Variants in TM7SF2 observed in about 807,000 individuals in gnomAD.
TM7SF2 encodes the protein delta(14)-sterol reductase TM7SF2.
A neutral mutation model predicts 51.0 loss-of-function variants in TM7SF2; 51 were observed. That is an observed-to-expected ratio of 1.00 (90% CI 0.80 to 1.26). The LOEUF (loss-of-function observed/expected upper bound fraction) is 1.26, where lower values mean the gene tolerates loss of function less well. Among genes scored for constraint, TM7SF2 ranks in the 50% most tolerant of loss-of-function variants. The probability of loss-of-function intolerance (pLI) is 0.00; values close to 1 mark genes in which losing one functional copy is unlikely to be tolerated. For synonymous variants in TM7SF2, 255 were observed against 241.0 expected, an observed-to-expected ratio of 1.06 and a Z score of -0.54; for missense variants, 541 against 547.4, an observed-to-expected ratio of 0.99 and a Z score of 0.12.
At position 65,113,354 on chromosome 11, in the gene TM7SF2, T is replaced by G; in HGVS notation, c.439T>G (p.Phe147Val). 6.2e-7 allele frequency: 1 copy of G among 1,614,086 alleles called. No homozygotes were observed. The highest frequency in any genetic ancestry group is 8.5e-7 in the Non-Finnish European group (1 of 1,180,000). Residue 147 changes from phenylalanine to valine, a missense_variant, in exon 4 of 10, where the codon TTT becomes GTT. Phe to Val is a conservative substitution (Grantham distance 50). Coordinates refer to ENST00000279263, the MANE Select transcript of TM7SF2 (RefSeq NM_003273.6). ...CCTCACCGCTTTCATCTTCAGCCTC[T>G]TTCTCTACATGAAGGCGCAGGTAGC... ...ATLTAFIFSL[F>V]LYMKAQVAPV...
chr11:65,114,902 T>C lies in TM7SF2; in HGVS notation c.724-11T>C, dbSNP rs1187869550. ...GGACTAAGCCAGTGTGTCTGGGTCT[T>C]GTCCCTGCAGGAGGCCGTCCTCACC... On this transcript the variant is annotated splice_polypyrimidine_tract_variant and intron_variant, in intron 6 of 9. Coordinates refer to ENST00000279263, the MANE Select transcript of TM7SF2 (RefSeq NM_003273.6). The C allele has an allele frequency of 6.2e-7, 1 of 1,614,068 alleles. No homozygotes were observed. Among genetic ancestry groups the C allele is most frequent in the Non-Finnish European group, 8.5e-7 (1 of 1,180,002 alleles).
At chr11:65,114,647 G>A in intron 5 of TM7SF2, 66 bp from the exon 6 acceptor site, 1 of 1,553,942 alleles carries the variant, frequency 6.4e-7, no homozygotes. Context: ...AAGGGCAGAG[G>A]CTGGCCACTG....
chr11:65,111,968 C>A lies in TM7SF2; in HGVS notation c.-48C>A. On this transcript the variant is annotated 5_prime_UTR_variant, in exon 1 of 10. Coordinates refer to ENST00000279263, the MANE Select transcript of TM7SF2 (RefSeq NM_003273.6). ...TGGGAAATGGGGCGGACAGTGTTTC[C>A]TTGACTGACTATTGTGAGCGCCCTC... The A allele has an allele frequency of 6.4e-7, 1 of 1,553,522 alleles. No homozygotes were observed. The highest frequency in any genetic ancestry group is 8.7e-7 in the Non-Finnish European group (1 of 1,146,270).
At chr11:65,113,144 T>C (rs1049925276) in intron 3 of TM7SF2, 76 bp from the exon 4 acceptor site, 29 of 1,435,640 alleles carry the variant, frequency 2.0e-5, no homozygotes, top group African/African-American at 2.9e-5. Flanking sequence ...CCCCTGAGTT[T>C]TGGGCTCTGC....
Position 65,113,494 on chromosome 11 carries a change from A to T in TM7SF2, c.503A>T (p.Asn168Ile). 6.2e-7 allele frequency: 1 copy of T among 1,614,114 alleles called. No individual in the cohort carries two copies. Among genetic ancestry groups the T allele is most frequent in the Middle Eastern group, 1.6e-4 (1 of 6,062 alleles). ...SALAPGGNSG[N>I]PIYDFFLGRE... ...TTCACTCTCCAATATTCTCCAGGCA[A>T]TCCGATTTACGACTTTTTTCTGGGA... The change falls in exon 5 of 10, where the codon AAT becomes ATT. Residue 168 changes from asparagine (N) to isoleucine (I), a missense_variant. Asn to Ile is a moderately radical substitution (Grantham distance 149). Coordinates refer to ENST00000279263, the MANE Select transcript of TM7SF2 (RefSeq NM_003273.6).
Position 65,115,168 on chromosome 11 carries a change from G to A in TM7SF2, c.892+87G>A. On this transcript the variant is annotated intron_variant, in intron 7 of 9. Coordinates refer to ENST00000279263, the MANE Select transcript of TM7SF2 (RefSeq NM_003273.6). ...TGTTTACACGCACCACCACATAGGTGCTAACCCCCAGGGTTCTCTAAAGCC... is the reference window on the plus strand; with the variant it reads ...TGTTTACACGCACCACCACATAGGTACTAACCCCCAGGGTTCTCTAAAGCC... 8 of 1,595,784 alleles carry A rather than the reference G, an allele frequency of 5.0e-6. No individual in the cohort carries two copies. The South Asian group carries it at 8.9e-5, about 18-fold the overall frequency.
intron 1 of TM7SF2, 43 bp from the exon 2 acceptor site, chr11:65,112,472 G>A (rs898624647): frequency 1.6e-5 from 23 of 1,477,604 alleles, no homozygotes; most frequent in African/African-American, 2.9e-5. Flanking sequence ...CGGGGAGCTG[G>A]GGGGCTAGGG....
chr11:65,112,429 C>G, intron 1 of TM7SF2, 86 bp from the exon 2 acceptor site: 2 of 1,371,586 alleles, frequency 1.5e-6, no homozygotes, highest in Non-Finnish European at 1.9e-6. Flanking sequence ...CGAGAGGGTC[C>G]CGCAGAGACG....
In TM7SF2 at chr11:65,114,827, C is replaced by T. The variant is rs772980923; in HGVS notation, c.718C>T (p.His240Tyr). The T allele has an allele frequency of 1.2e-6, 2 of 1,614,242 alleles. No homozygotes were observed. The highest frequency in any genetic ancestry group is 1.7e-5 in the Admixed American group (1 of 60,032). The change falls in exon 6 of 10, where the codon CAC (histidine) becomes TAC (tyrosine). Residue 240 changes from histidine to tyrosine, a missense_variant. By Grantham distance (83) the His-to-Tyr change is moderately conservative. Transcript: ENST00000279263. ...QLLYVGDALW[H>Y]EEAVLTTMDI... ...GCTCTACGTGGGTGATGCCCTCTGG[C>T]ACGAGGTGAGGCTGGACTGGACGAG...
chr11:65,113,390 G>A lies in TM7SF2; in HGVS notation c.475G>A (p.Ala159Thr), dbSNP rs1283986292. 1 of 1,614,014 alleles carries A rather than the reference G, an allele frequency of 6.2e-7. No individual in the cohort carries two copies. The highest frequency in any genetic ancestry group is 8.5e-7 in the Non-Finnish European group (1 of 1,180,040). ...YMKAQVAPVS[A>T]LAPGGNSGNP... ...GAAGGCGCAGGTAGCCCCAGTTTCG[G>A]CCCTGGCACCTGGGGGGAACTCAGG... The change falls in exon 4 of 10, where the codon GCC (alanine) becomes ACC (threonine). Residue 159 changes from alanine (A) to threonine (T), a missense_variant. Coordinates refer to ENST00000279263, the MANE Select transcript of TM7SF2 (RefSeq NM_003273.6).
chr11:65,111,902 C>G lies in TM7SF2; in HGVS notation c.-114C>G. On this transcript the variant is annotated 5_prime_UTR_variant, in exon 1 of 10. Transcript: ENST00000279263. ...CGTTCCGTGTCCAGGCAGGTGCAGGCGCCGCGGGGCCGGATCCTCCGCGCG... is the reference window on the plus strand; with the variant it reads ...CGTTCCGTGTCCAGGCAGGTGCAGGGGCCGCGGGGCCGGATCCTCCGCGCG... The G allele has an allele frequency of 8.1e-7, 1 of 1,234,252 alleles. No homozygotes were observed. Among genetic ancestry groups the G allele is most frequent in the South Asian group, 1.3e-5 (1 of 77,212 alleles). 76.5% of individuals were successfully genotyped at this position (1,234,252 alleles called of 1,614,324 possible). A position where few individuals can be genotyped will look rare whatever the true frequency, so the allele number is the denominator to read the frequency against.
At chr11:65,115,103 G>A (rs1590817402) in intron 7 of TM7SF2, 22 bp downstream of exon 7, 1 of 1,609,732 alleles carries the variant, frequency 6.2e-7, no homozygotes, top group East Asian at 2.2e-5. Context: ...AGGGGCAGCA[G>A]GCTGGGCCCA....
chr11:65,115,832 C>A, intron 9 of TM7SF2, 61 bp from the exon 10 acceptor site: 1 of 1,612,598 alleles, frequency 6.2e-7, no homozygotes, highest in Non-Finnish European at 8.5e-7. Context: ...GGTGTGGAAA[C>A]GTTTGTGAAC....
At chr11:65,112,409 C>T in intron 1 of TM7SF2, 106 bp from the exon 2 acceptor site, 1 of 1,264,246 alleles carries the variant, frequency 7.9e-7, no homozygotes, top group South Asian at 1.6e-5. Context: ...GAGGCGCACT[C>T]TGGGAATGCC....
rs770285850 is a variant in TM7SF2, at chr11:65,113,513, TCTGGGA to T, written c.524_529del (p.Leu175_Gly176del). 2 of 1,614,102 alleles carry T rather than the reference TCTGGGA, an allele frequency of 1.2e-6. No individual in the cohort carries two copies. The highest frequency in any genetic ancestry group is 1.7e-6 in the Non-Finnish European group (2 of 1,180,040). On this transcript the variant is annotated inframe_deletion, in exon 5 of 10. Transcript: ENST00000279263. The stretch of plus-strand genomic sequence containing the variant: ...CAGGCAATCCGATTTACGACTTTTT[TCTGGGA>T]CGAGAGCTCAACCCTCGTATCTGTT...
At chr11:65,113,845 A>G (rs1947943987) in intron 5 of TM7SF2, 1 of 538,878 alleles carries the variant, frequency 1.9e-6, no homozygotes. Flanking sequence ...TAAAATATAT[A>G]CAGCATGTCA....
chr11:65,111,956 G>A lies in TM7SF2; in HGVS notation c.-60G>A. Reference sequence around the variant, plus strand: ...GAGTCCATCTCCTGGGAAATGGGGCGGACAGTGTTTCCTTGACTGACTATT... The same window carrying A: ...GAGTCCATCTCCTGGGAAATGGGGCAGACAGTGTTTCCTTGACTGACTATT... On this transcript the variant is annotated 5_prime_UTR_variant, in exon 1 of 10. Coordinates refer to ENST00000279263, the MANE Select transcript of TM7SF2 (RefSeq NM_003273.6). 1.3e-6 allele frequency: 2 copies of A among 1,525,956 alleles called. No individual in the cohort carries two copies. The highest frequency in any genetic ancestry group is 1.8e-6 in the Non-Finnish European group (2 of 1,122,762). 94.5% of individuals were successfully genotyped at this position (1,525,956 alleles called of 1,614,324 possible). A position where few individuals can be genotyped will look rare whatever the true frequency, so the allele number is the denominator to read the frequency against.
rs760012550 is a variant in TM7SF2, at chr11:65,115,500, C to A, written c.998C>A (p.Thr333Lys). Reference protein sequence around the residue: ...VAGLETISTATGRKLLVSGWW... With the variant: ...VAGLETISTAKGRKLLVSGWW... Reference sequence around the variant, plus strand: ...GGGCTTGAGACCATCTCTACAGCCACAGGGCGGAAACTGCTGGTGTCTGGG... The same window carrying A: ...GGGCTTGAGACCATCTCTACAGCCAAAGGGCGGAAACTGCTGGTGTCTGGG... The change falls in exon 9 of 10, where the codon ACA (threonine) becomes AAA (lysine). Residue 333 changes from threonine (T) to lysine (K), a missense_variant. Thr to Lys is a moderately conservative substitution (Grantham distance 78). Transcript: ENST00000279263. The A allele has an allele frequency of 6.2e-7, 1 of 1,614,174 alleles. No homozygotes were observed. The highest frequency in any genetic ancestry group is 1.1e-5 in the South Asian group (1 of 91,086).
intron 2 of TM7SF2, 44 bp downstream of exon 2, chr11:65,112,755 G>C (rs1300031879): frequency 6.5e-7 from 1 of 1,549,452 alleles, no homozygotes; most frequent in East Asian, 2.4e-5. Context: ...GAAGCGAATG[G>C]GCTCGGCGAG....
Sources: allele counts gnomAD v4.1 joint callset, GRCh38; gene constraint gnomAD v4.1.1; transcripts MANE v1.5; gene names NCBI Gene and HGNC (gene_info 2026-07-23, HGNC 2026-07-21).